TMEM74: variants seen among roughly 807,000 people sequenced by gnomAD.
TMEM74 encodes transmembrane protein 74.
A neutral mutation model predicts 18.1 loss-of-function variants in TMEM74; 13 were observed. The ratio of observed to expected loss-of-function variants is 0.72; its 90% CI spans 0.47 to 1.14. The LOEUF is 1.14. TMEM74 is among the 50% of genes most tolerant of loss of function. The pLI is 0.00. For synonymous variants in TMEM74, 159 were observed against 146.6 expected (o/e 1.08, Z -0.61); for missense variants, 372 against 375.9 (o/e 0.99, Z 0.09).
At chr8:108,720,305 A>G (rs1479937063) in intron 1 of TMEM74, among the ~76,000 whole-genome samples, 3 of 152,368 alleles carry the variant, frequency 2.0e-5, no homozygotes, top group Non-Finnish European at 4.4e-5. Flanking sequence ...CAGCCCAACT[A>G]CAGTTAGAAC....
intron 2 of TMEM74, among the ~76,000 whole-genome samples, chr8:108,651,876 A>T (rs780088316): frequency 6.6e-6 from 1 of 151,762 alleles, no homozygotes. Context: ...TTCACTGGTG[A>T]GCTGGAGAGT....
chr8:108,658,031 G>A (rs1812863099), intron 1 of TMEM74, among the ~76,000 whole-genome samples: 1 of 150,796 alleles, frequency 6.6e-6, no homozygotes, highest in African/African-American at 2.4e-5. Context: ...TGAGAACAAG[G>A]CAGAAGGAAA....
intron 1 of TMEM74, among the ~76,000 whole-genome samples, chr8:108,663,057 G>A (rs544765068): frequency 3.3e-5 from 5 of 151,972 alleles, no homozygotes; most frequent in East Asian, 3.9e-4. Flanking sequence ...GTTTTCTGCC[G>A]AAAGCAATAG....
rs527420463 is a variant in TMEM74 at position 108,667,866 on chromosome 8, C to T, written n.120-12429G>A. On this transcript the variant is annotated intron_variant and non_coding_transcript_variant, in intron 1 of 3. Transcript: ENST00000518838. ...CTGTTCTTTCCCCTCTTTAAATGAA[C>T]GAAATTGAACGCCTAGTACCTCCTC... 1.1e-4 allele frequency among the ~76,000 whole-genome samples: 16 copies of T among 152,192 alleles called. No homozygotes were observed. In the South Asian group the frequency reaches 1.5e-3, roughly 14 times the overall value.
At chr8:108,655,121 T>A (rs1812809116) in intron 2 of TMEM74, among the ~76,000 whole-genome samples, 1 of 152,162 alleles carries the variant, frequency 6.6e-6, no homozygotes, top group Admixed American at 6.6e-5. Context: ...TCTTTAGAAG[T>A]GGAAAGCTAC....
At chr8:108,771,922 G>T (rs750589355) in intron 1 of TMEM74, among the ~76,000 whole-genome samples, 1 of 152,036 alleles carries the variant, frequency 6.6e-6, no homozygotes, top group Non-Finnish European at 1.5e-5. Context: ...GCTCCGAAAA[G>T]TAACGTATGA....
intron 1 of TMEM74, among the ~76,000 whole-genome samples, chr8:108,708,365 TG>T (rs1387142773): frequency 6.6e-6 from 1 of 152,074 alleles, no homozygotes; most frequent in Non-Finnish European, 1.5e-5. Context: ...TGTGTCTTTA[TG>T]GTTAAACAAT....
intron 2 of TMEM74, among the ~76,000 whole-genome samples, chr8:108,633,519 T>C (rs573633970): frequency 6.6e-6 from 1 of 152,172 alleles, no homozygotes; most frequent in African/African-American, 2.4e-5. Context: ...GAATCCACAA[T>C]GAATATAACA....
intron 2 of TMEM74, among the ~76,000 whole-genome samples, chr8:108,632,548 C>A (rs1025170779): frequency 6.6e-6 from 1 of 151,524 alleles, no homozygotes; most frequent in Non-Finnish European, 1.5e-5. Flanking sequence ...ATTTCAAGGA[C>A]CATGATTAAA....
chr8:108,651,751 A>G (rs750855520), intron 2 of TMEM74, among the ~76,000 whole-genome samples: 8 of 152,076 alleles, frequency 5.3e-5, no homozygotes, highest in Non-Finnish European at 8.8e-5. Context: ...AAGGAGAAAC[A>G]GCAGTAATGA....
intron 1 of TMEM74, among the ~76,000 whole-genome samples, chr8:108,770,715 T>A (rs1814161977): frequency 6.6e-6 from 1 of 152,182 alleles, no homozygotes; most frequent in South Asian, 2.1e-4. Context: ...GTCTCAGTTG[T>A]AGAAAAAAAT....
At chr8:108,613,283 T>C (rs960763878) in intron 2 of TMEM74, among the ~76,000 whole-genome samples, 4 of 152,156 alleles carry the variant, frequency 2.6e-5, no homozygotes, top group African/African-American at 9.7e-5. Context: ...TTGGACCATA[T>C]GAGAGGAGGC....
intron 1 of TMEM74, among the ~76,000 whole-genome samples, chr8:108,751,571 TA>T (rs1364200574): frequency 2.0e-5 from 3 of 152,150 alleles, no homozygotes; most frequent in East Asian, 3.9e-4. Flanking sequence ...TCAATAGCTG[TA>T]TGTTATACTG....
intron 1 of TMEM74, among the ~76,000 whole-genome samples, chr8:108,659,466 G>A (rs1041927561): frequency 6.6e-6 from 1 of 152,058 alleles, no homozygotes; most frequent in African/African-American, 2.4e-5. Context: ...AAAAGCTGGT[G>A]TTCTCCTGGC....
chr8:108,773,276 G>C (rs1814193481), intron 1 of TMEM74, among the ~76,000 whole-genome samples: 1 of 151,920 alleles, frequency 6.6e-6, no homozygotes, highest in Non-Finnish European at 1.5e-5. Flanking sequence ...CTCAAAGTCA[G>C]CTCTGATTTT....
intron 1 of TMEM74, among the ~76,000 whole-genome samples, chr8:108,686,169 G>A (rs1813165510): frequency 6.6e-6 from 1 of 152,158 alleles, no homozygotes; most frequent in Non-Finnish European, 1.5e-5. Flanking sequence ...AACAATGGGA[G>A]CGTAAGTTGG....
chr8:108,753,992 C>A (rs1004205652), intron 1 of TMEM74, among the ~76,000 whole-genome samples: 1 of 152,042 alleles, frequency 6.6e-6, no homozygotes, highest in Admixed American at 6.6e-5. Flanking sequence ...CTGCTAGGCC[C>A]AACCTTAGAG....
intron 1 of TMEM74, among the ~76,000 whole-genome samples, chr8:108,763,592 G>T (rs1586289306): frequency 1.3e-5 from 2 of 151,868 alleles, no homozygotes; most frequent in South Asian, 4.2e-4. Flanking sequence ...TTATACCTTG[G>T]GTAAGAATGT....
intron 1 of TMEM74, among the ~76,000 whole-genome samples, chr8:108,769,538 T>C (rs1814148515): frequency 1.3e-5 from 2 of 152,142 alleles, no homozygotes; most frequent in South Asian, 4.1e-4. Context: ...ATTTCTCATA[T>C]AGAGTAGTGG....
Sources: allele counts gnomAD v4.1 joint callset (sites outside exome capture counted in the v4.1 genomes callset), GRCh38; gene constraint gnomAD v4.1.1; transcripts MANE v1.5; gene names NCBI Gene and HGNC (gene_info 2026-07-23, HGNC 2026-07-21).